Variants in SPECC1 observed in about 807,000 individuals in gnomAD.
SPECC1 encodes cytospin-B.
In SPECC1, 62 loss-of-function variants were observed where a neutral mutation model predicts 104.1. The ratio of observed to expected loss-of-function variants is 0.60; its 90% confidence interval spans 0.49 to 0.74. The LOEUF (loss-of-function observed/expected upper bound fraction) is 0.74. Among genes scored for constraint, SPECC1 ranks in the 30% least tolerant of loss-of-function variants. The pLI, the probability that SPECC1 is intolerant of heterozygous loss-of-function variation, is 0.00. For synonymous variants in SPECC1, 513 were observed against 501.6 expected (o/e 1.02, Z -0.30); for missense variants, 1,306 against 1,310.5 (o/e 1.00, Z 0.05).
At chr17:20,095,498 C>T (rs929627284) in intron 1 of SPECC1, among the ~76,000 whole-genome samples, 1 of 152,236 alleles carries the variant, frequency 6.6e-6, no homozygotes, top group South Asian at 2.1e-4. Context: ...TCAATAGGGT[C>T]GGGAACTAGA....
At chr17:20,161,376 C>T (rs1374076795) in intron 3 of SPECC1, among the ~76,000 whole-genome samples, 2 of 152,166 alleles carry the variant, frequency 1.3e-5, no homozygotes, top group Non-Finnish European at 2.9e-5. Flanking sequence ...TGCACTTATT[C>T]CCAGTCTGCC....
intron 3 of SPECC1, among the ~76,000 whole-genome samples, chr17:20,145,643 A>G (rs2031382363): frequency 6.6e-6 from 1 of 152,240 alleles, no homozygotes; most frequent in Non-Finnish European, 1.5e-5. Flanking sequence ...TTTTGGTCAG[A>G]ACTGGGTCTC....
chr17:20,083,926 C>G (rs1319824998), intron 1 of SPECC1, among the ~76,000 whole-genome samples: 3 of 152,118 alleles, frequency 2.0e-5, no homozygotes, highest in East Asian at 1.9e-4. Context: ...TTTAGCCATT[C>G]TAGTAGGTGT....
chr17:20,220,105 A>G (rs943991594), intron 4 of SPECC1, among the ~76,000 whole-genome samples: 3 of 152,110 alleles, frequency 2.0e-5, no homozygotes, highest in African/African-American at 4.8e-5. Context: ...GAAGTCAGAT[A>G]ATGTGATTCT....
intron 3 of SPECC1, among the ~76,000 whole-genome samples, chr17:20,176,369 A>G (rs1434408076): frequency 6.6e-6 from 1 of 151,968 alleles, no homozygotes; most frequent in Non-Finnish European, 1.5e-5. Flanking sequence ...GCAACATTTC[A>G]TTTCTCACCA....
chr17:20,102,309 A>G (rs528489497), intron 2 of SPECC1, among the ~76,000 whole-genome samples: 57 of 152,330 alleles, frequency 3.7e-4, no homozygotes, highest in African/African-American at 1.3e-3. Context: ...TCCTACCCCC[A>G]GGAAACCTTT....
intron 3 of SPECC1, among the ~76,000 whole-genome samples, chr17:20,119,941 G>C (rs2152535078): frequency 6.6e-6 from 1 of 152,294 alleles, no homozygotes; most frequent in East Asian, 1.9e-4. Flanking sequence ...GCTCACTGGG[G>C]CATTTTGGAT....
chr17:20,298,042 G>A (rs532928041), intron 13 of SPECC1, among the ~76,000 whole-genome samples: 9 of 152,200 alleles, frequency 5.9e-5, no homozygotes, highest in Non-Finnish European at 1.2e-4. Flanking sequence ...CAGGGAGACT[G>A]CAGCGGTGAT....
At chr17:20,262,011 A>G (rs1386561253) in intron 12 of SPECC1, among the ~76,000 whole-genome samples, 1 of 152,204 alleles carries the variant, frequency 6.6e-6, no homozygotes, top group African/African-American at 2.4e-5. Flanking sequence ...ATCCGTAAGT[A>G]CTATGTTAGT....
chr17:20,035,075 C>T lies in SPECC1; in HGVS notation c.-22+25651C>T, dbSNP rs1293809132. Among the ~76,000 whole-genome samples, 4 of 152,098 alleles carry T rather than the reference C, an allele frequency of 2.6e-5. No individual in the cohort carries two copies. The South Asian group carries it at 6.2e-4, about 24-fold the overall frequency. On this transcript the variant is annotated intron_variant, in intron 1 of 14. Transcript: ENST00000395527. The stretch of plus-strand genomic sequence containing the variant: ...TTCCCCCGTTGAAGTGTTTTAACAC[C>T]TTTGTCAGAAATCATTTGGGCATAT...
intron 3 of SPECC1, among the ~76,000 whole-genome samples, chr17:20,185,822 T>G (rs2035234994): frequency 6.6e-6 from 1 of 152,154 alleles, no homozygotes; most frequent in Non-Finnish European, 1.5e-5. Flanking sequence ...AAGTGTGGTG[T>G]CCTGTTTTGT....
chr17:20,264,756 A>G (rs963981731), intron 12 of SPECC1, among the ~76,000 whole-genome samples: 10 of 151,866 alleles, frequency 6.6e-5, no homozygotes, highest in Non-Finnish European at 1.3e-4. Context: ...ACAGGTTCAC[A>G]CCTGTAATAT....
intron 1 of SPECC1, among the ~76,000 whole-genome samples, chr17:20,092,827 C>A (rs9913374): frequency 0.026 from 3,976 of 152,278 alleles, 178 homozygotes; most frequent in African/African-American, 0.089. Flanking sequence ...GAATCATGTT[C>A]AGAAAGCATG....
intron 2 of SPECC1, among the ~76,000 whole-genome samples, chr17:20,105,236 C>T (rs1567846184): frequency 6.6e-6 from 1 of 152,164 alleles, no homozygotes; most frequent in Non-Finnish European, 1.5e-5. Flanking sequence ...ACTACAGGCA[C>T]GCAGTGCCAC....
At chr17:20,236,317 C>T (rs2038907508) in intron 7 of SPECC1, among the ~76,000 whole-genome samples, 1 of 152,106 alleles carries the variant, frequency 6.6e-6, no homozygotes, top group Non-Finnish European at 1.5e-5. Flanking sequence ...TATCTGTTCC[C>T]TCACCTAGTA....
At chr17:20,260,154 G>T (rs201985718) in intron 11 of SPECC1, 38 bp from the exon 12 acceptor site, 274 of 1,520,642 alleles carry the variant, frequency 1.8e-4, no homozygotes, top group Non-Finnish European at 2.4e-4. Context: ...CTAAGTATTA[G>T]CATCTTCTCC....
chr17:20,314,572 C>T lies in SPECC1; in HGVS notation c.*507C>T, dbSNP rs538605252. The stretch of plus-strand genomic sequence containing the variant: ...GTAGGATCGTTTGAGCCCAGGAGTT[C>T]GAGGCTGCAGTGAGCTATGAGCATA... On this transcript the variant is annotated 3_prime_UTR_variant, in exon 15 of 15. Coordinates refer to ENST00000395527, the MANE Select transcript of SPECC1 (RefSeq NM_001243439.2). 1.4e-3 allele frequency: 362 copies of T among 266,608 alleles called. No individual in the cohort carries two copies. Among genetic ancestry groups the T allele is most frequent in the Non-Finnish European group, 2.4e-3 (322 of 136,702 alleles). 16.5% of individuals were successfully genotyped at this position (266,608 alleles called of 1,614,324 possible). A position where few individuals can be genotyped will look rare whatever the true frequency, so the allele number is the denominator to read the frequency against.
intron 1 of SPECC1, among the ~76,000 whole-genome samples, chr17:20,085,702 C>T (rs944344691): frequency 1.3e-5 from 2 of 152,126 alleles, no homozygotes; most frequent in Non-Finnish European, 2.9e-5. Flanking sequence ...CTCAGGAATG[C>T]GAGAACAAAA....
intron 12 of SPECC1, among the ~76,000 whole-genome samples, chr17:20,279,534 C>G (rs1274575804): frequency 6.6e-6 from 1 of 152,046 alleles, no homozygotes; most frequent in Non-Finnish European, 1.5e-5. Flanking sequence ...GTTGGTCAGG[C>G]TGATCTTGAA....
Sources: allele counts gnomAD v4.1 joint callset (sites outside exome capture counted in the v4.1 genomes callset), GRCh38; gene constraint gnomAD v4.1.1; transcripts MANE v1.5; gene names NCBI Gene and HGNC (gene_info 2026-07-23, HGNC 2026-07-21).